Variants in IKZF3 observed in about 807,000 individuals in gnomAD.
IKZF3 encodes IKAROS family zinc finger 3.
In IKZF3, 10 loss-of-function variants were observed where a neutral mutation model predicts 49.0. The ratio of observed to expected loss-of-function variants is 0.20; its 90% CI spans 0.13 to 0.35. The LOEUF is 0.35. IKZF3 is among the 10% of genes least tolerant of loss of function. IKZF3 has a pLI of 1.00. For synonymous variants in IKZF3, 209 were observed against 228.2 expected (o/e 0.92, Z 0.76); for missense variants, 498 against 664.8 (o/e 0.75, Z 2.76).
intron 3 of IKZF3, among the ~76,000 whole-genome samples, chr17:39,827,900 T>C (rs756129961): frequency 2.0e-5 from 3 of 152,328 alleles, no homozygotes; most frequent in South Asian, 2.1e-4. Context: ...TGAGGTCACA[T>C]TGAAATGAGC....
chr17:39,766,416 G>A lies in IKZF3; in HGVS notation c.904C>T (p.Arg302Cys), dbSNP rs1447817385. ...TTATTGATGGCTTGGTCCATCATGC[G>A]GGTCTGTATGAGCTCACTCTCTTTC... Reference protein sequence around the residue: ...YEKESELIQTRMMDQAINNAI... With the variant: ...YEKESELIQTCMMDQAINNAI... The change falls in exon 8 of 8, where the codon CGC becomes TGC. Residue 302 changes from arginine (R) to cysteine (C), a missense_variant. Transcript: ENST00000346872. 5.6e-6 allele frequency: 9 copies of A among 1,614,070 alleles called. No individual in the cohort carries two copies. Among genetic ancestry groups the A allele is most frequent in the African/African-American group, 5.3e-5 (4 of 75,032 alleles).
chr17:39,826,691 GC>G (rs1311465713), intron 3 of IKZF3, among the ~76,000 whole-genome samples: 1 of 152,222 alleles, frequency 6.6e-6, no homozygotes, highest in African/African-American at 2.4e-5. Flanking sequence ...AGATTTGGAA[GC>G]TGATCAGAAC....
At chr17:39,792,998 C>G in intron 3 of IKZF3, 65 bp from the exon 4 acceptor site, 1 of 1,492,850 alleles carries the variant, frequency 6.7e-7, no homozygotes, top group Non-Finnish European at 9.1e-7. Flanking sequence ...GCAGCTCAAA[C>G]AGCAGAGACC....
rs200492822 is a variant in IKZF3, at chr17:39,766,299, T to C, written c.1021A>G (p.Met341Val). The C allele has an allele frequency of 1.2e-4, 199 of 1,614,164 alleles. 2 individuals are homozygous for C. In the East Asian group the frequency reaches 4.2e-3, roughly 34 times the overall value. The change falls in exon 8 of 8, where the codon ATG becomes GTG. Residue 341 changes from methionine (M) to valine (V), a missense_variant. By Grantham distance (21) the Met-to-Val change is conservative (BLOSUM62 1). Transcript: ENST00000346872. ...GCCCGGGTGAGGGCTATGGGATACA[T>C]GCTGCTGATAACTGGAACCATCTCC... ...TSEMVPVISS[M>V]YPIALTRAEM...
chr17:39,840,304 T>C (rs1214970453), intron 1 of IKZF3, among the ~76,000 whole-genome samples: 3 of 152,244 alleles, frequency 2.0e-5, no homozygotes, highest in South Asian at 2.1e-4. Flanking sequence ...GTGGTTGTTA[T>C]GGTTTGTCAA....
At chr17:39,824,788 C>T (rs936231738) in intron 3 of IKZF3, among the ~76,000 whole-genome samples, 2 of 151,958 alleles carry the variant, frequency 1.3e-5, no homozygotes, top group Admixed American at 6.6e-5. Flanking sequence ...CTCTGCCTCC[C>T]AGGTTCACGC....
At chr17:39,855,667 T>C (rs924264514) in intron 1 of IKZF3, among the ~76,000 whole-genome samples, 1 of 152,204 alleles carries the variant, frequency 6.6e-6, no homozygotes, top group Admixed American at 6.5e-5. Flanking sequence ...AATTCAAATC[T>C]GAAAAATTAG....
At chr17:39,797,425 C>CT (rs35588873) in intron 3 of IKZF3, among the ~76,000 whole-genome samples, 10,481 of 137,408 alleles carry the variant, frequency 0.076, 620 homozygotes, top group African/African-American at 0.17. Context: ...TTCTTTCTTT[C>CT]TTTTTTTTTT....
intron 7 of IKZF3, among the ~76,000 whole-genome samples, chr17:39,775,915 ACT>A (rs1308037595): frequency 1.3e-5 from 2 of 148,582 alleles, no homozygotes; most frequent in African/African-American, 2.5e-5. Flanking sequence ...CAAGAGTGAA[ACT>A]CTGTCTCAAA....
chr17:39,769,448 T>C lies in IKZF3; in HGVS notation c.827-2955A>G, dbSNP rs1025659719. ...GAGAAAAAAAATATGCAAACGAAAA[T>C]ACCCTGTCTTGGAAACTCAATGAGA... On this transcript the variant is annotated intron_variant, in intron 7 of 7. Transcript: ENST00000346872. Among the ~76,000 whole-genome samples the C allele has an allele frequency of 5.9e-5, 9 of 152,200 alleles. No individual in the cohort carries two copies. In the East Asian group the frequency reaches 1.7e-3, roughly 29 times the overall value.
chr17:39,825,122 G>T (rs565873744), intron 3 of IKZF3, among the ~76,000 whole-genome samples: 56 of 152,326 alleles, frequency 3.7e-4, no homozygotes, highest in African/African-American at 1.2e-3. Context: ...ATTTGGAAGT[G>T]TGAGTCAATT....
rs1398167861 is a variant in IKZF3 at position 39,761,433 on chromosome 17, G to A, written c.*4357C>T. 6.6e-6 allele frequency: 1 copy of A among 151,228 alleles called. No individual in the cohort carries two copies. The highest frequency in any genetic ancestry group is 6.6e-5 in the Admixed American group (1 of 15,176). 9.4% of individuals were successfully genotyped at this position (151,228 alleles called of 1,614,324 possible). On this transcript the variant is annotated 3_prime_UTR_variant, in exon 8 of 8. Coordinates refer to ENST00000346872, the MANE Select transcript of IKZF3 (RefSeq NM_012481.5). ...CAGGTAGTGACAGAAAACATTTGGA[G>A]AGCTGGGCATTGTTTGTGCATGCCT... is the stretch of plus-strand genomic sequence containing the variant.
At chr17:39,796,222 G>C (rs952371310) in intron 3 of IKZF3, among the ~76,000 whole-genome samples, 5 of 151,950 alleles carry the variant, frequency 3.3e-5, no homozygotes, top group African/African-American at 9.7e-5. Flanking sequence ...AGAGAAAAGG[G>C]GTGTTCTACT....
At chr17:39,800,506 C>T (rs1018861399) in intron 3 of IKZF3, among the ~76,000 whole-genome samples, 1 of 152,124 alleles carries the variant, frequency 6.6e-6, no homozygotes, top group Non-Finnish European at 1.5e-5. Flanking sequence ...GCTATACATT[C>T]CCAGAGGCAG....
chr17:39,828,833 A>G (rs1217893398), intron 3 of IKZF3, among the ~76,000 whole-genome samples: 1 of 152,040 alleles, frequency 6.6e-6, no homozygotes, highest in Admixed American at 6.6e-5. Flanking sequence ...CTCCGTCTCT[A>G]TTAAAAAAAA....
chr17:39,818,272 C>T (rs530322735), intron 3 of IKZF3, among the ~76,000 whole-genome samples: 7 of 152,116 alleles, frequency 4.6e-5, no homozygotes, highest in Admixed American at 6.5e-5. Flanking sequence ...CTGAATACTA[C>T]GTTTTTTCCT....
intron 1 of IKZF3, among the ~76,000 whole-genome samples, chr17:39,851,104 G>C (rs2062861533): frequency 6.6e-6 from 1 of 150,540 alleles, no homozygotes; most frequent in Non-Finnish European, 1.5e-5. Context: ...CTGCAACTCA[G>C]GCTGGAGTGC....
At chr17:39,849,639 G>A (rs117033951) in intron 1 of IKZF3, among the ~76,000 whole-genome samples, 4,610 of 152,074 alleles carry the variant, frequency 0.03, 96 homozygotes, top group Non-Finnish European at 0.045. Flanking sequence ...GCAACAGAGC[G>A]AGACTCCGTC....
intron 1 of IKZF3, among the ~76,000 whole-genome samples, chr17:39,853,458 G>A (rs1246607763): frequency 1.3e-5 from 2 of 152,154 alleles, no homozygotes; most frequent in Non-Finnish European, 2.9e-5. Flanking sequence ...CACCACTGAT[G>A]CAATGTATGC....
Sources: gnomAD v4.1 joint callset for allele counts (sites outside exome capture counted in the v4.1 genomes callset) on GRCh38, gnomAD v4.1.1 for gene constraint, MANE v1.5 for transcripts, NCBI Gene and HGNC (gene_info 2026-07-23, HGNC 2026-07-21) for gene names.